The following INPP4B variants were observed in gnomAD, a reference collection of about 807,000 sequenced individuals.
INPP4B encodes inositol polyphosphate 4-phosphatase type II.
INPP4B carries 55 observed loss-of-function variants against 122.5 expected under a neutral mutation model. The ratio of observed to expected loss-of-function variants is 0.45; its 90% confidence interval spans 0.36 to 0.56. The LOEUF (loss-of-function observed/expected upper bound fraction) is 0.56. INPP4B is among the 20% of genes least tolerant of loss of function. The pLI is 0.00. For synonymous variants in INPP4B, 403 were observed against 388.7 expected, an observed-to-expected ratio of 1.04 and a Z score of -0.43; for missense variants, 1,000 against 1,097.7, an observed-to-expected ratio of 0.91 and a Z score of 1.26.
intron 11 of INPP4B, among the ~76,000 whole-genome samples, chr4:142,252,335 C>G (rs1206370454): frequency 2.0e-5 from 3 of 151,626 alleles, no homozygotes; most frequent in Admixed American, 2.0e-4. Flanking sequence ...ACTACAGGCG[C>G]CCGCTACCAC....
chr4:142,651,900 C>T (rs996724267), intron 2 of INPP4B, among the ~76,000 whole-genome samples: 1 of 152,128 alleles, frequency 6.6e-6, no homozygotes, highest in Non-Finnish European at 1.5e-5. Context: ...GATACCAAAG[C>T]CTGGCAGAGA....
intron 2 of INPP4B, among the ~76,000 whole-genome samples, chr4:142,645,080 C>T (rs1294783546): frequency 6.6e-6 from 1 of 151,818 alleles, no homozygotes; most frequent in Non-Finnish European, 1.5e-5. Context: ...CATCAACAAA[C>T]AAAAATATAC....
intron 1 of INPP4B, among the ~76,000 whole-genome samples, chr4:142,744,889 A>AT (rs1230788907): frequency 1.3e-5 from 2 of 151,838 alleles, no homozygotes; most frequent in Admixed American, 6.6e-5. Context: ...AAGATAGGCT[A>AT]TTTTTTATAA....
intron 2 of INPP4B, 77 bp downstream of exon 2, chr4:142,725,762 G>T (rs1018602757): frequency 2.5e-6 from 1 of 395,186 alleles, no homozygotes; most frequent in Non-Finnish European, 4.5e-6. Flanking sequence ...TATCTAAAAC[G>T]AATAATCAAG....
At chr4:142,731,163 AT>A (rs1172105383) in intron 1 of INPP4B, among the ~76,000 whole-genome samples, 2 of 152,012 alleles carry the variant, frequency 1.3e-5, no homozygotes, top group African/African-American at 2.4e-5. Context: ...CCAAGTGTGT[AT>A]TGTTCCCCTC....
chr4:142,202,334 A>G (rs539575965), intron 14 of INPP4B, among the ~76,000 whole-genome samples: 11 of 152,206 alleles, frequency 7.2e-5, no homozygotes, highest in Non-Finnish European at 1.6e-4. Context: ...AGACACGCTG[A>G]CCTCATATCA....
chr4:142,256,788 T>A (rs942115215), intron 11 of INPP4B, among the ~76,000 whole-genome samples: 1 of 152,310 alleles, frequency 6.6e-6, no homozygotes, highest in East Asian at 1.9e-4. Flanking sequence ...AAGGAGGAAC[T>A]GGTACCATTC....
chr4:142,315,402 G>A (rs142913351), intron 7 of INPP4B, among the ~76,000 whole-genome samples: 6 of 152,210 alleles, frequency 3.9e-5, no homozygotes, highest in African/African-American at 1.4e-4. Context: ...TAATGTCAAA[G>A]AACCGGTTAT....
At chr4:142,140,700 AGATT>A (rs1407804893) in intron 18 of INPP4B, among the ~76,000 whole-genome samples, 1 of 152,186 alleles carries the variant, frequency 6.6e-6, no homozygotes, top group African/African-American at 2.4e-5. Context: ...AAATTGGGAT[AGATT>A]GTTTTAATCT....
At chr4:142,597,511 G>C (rs1383870938) in intron 2 of INPP4B, among the ~76,000 whole-genome samples, 2 of 152,166 alleles carry the variant, frequency 1.3e-5, no homozygotes, top group Admixed American at 6.5e-5. Flanking sequence ...ATGACTCCTT[G>C]AATCACTCAG....
chr4:142,037,469 T>C (rs566333008), intron 25 of INPP4B, among the ~76,000 whole-genome samples: 55 of 152,290 alleles, frequency 3.6e-4, no homozygotes, highest in African/African-American at 1.3e-3. Context: ...TTAATAGGTT[T>C]GCTATTTGAT....
intron 2 of INPP4B, among the ~76,000 whole-genome samples, chr4:142,601,527 A>C (rs1739905703): frequency 6.6e-6 from 1 of 151,498 alleles, no homozygotes; most frequent in Admixed American, 6.6e-5. Context: ...ACATACCAAT[A>C]CCTACGGGAC....
chr4:142,183,507 C>G (rs1831782281), intron 15 of INPP4B, among the ~76,000 whole-genome samples: 1 of 152,148 alleles, frequency 6.6e-6, no homozygotes, highest in South Asian at 2.1e-4. Flanking sequence ...ACTTAGCTTT[C>G]AAAGCTCTGA....
chr4:142,385,888 CAT>C (rs1423644695), intron 7 of INPP4B, among the ~76,000 whole-genome samples: 1 of 152,128 alleles, frequency 6.6e-6, no homozygotes, highest in African/African-American at 2.4e-5. Flanking sequence ...AATCTTCTCA[CAT>C]AGTTGTTACT....
intron 3 of INPP4B, among the ~76,000 whole-genome samples, chr4:142,445,645 TC>T (rs34526226): frequency 0.047 from 7,211 of 152,040 alleles, 189 homozygotes; most frequent in Middle Eastern, 0.078. Flanking sequence ...AAACAGAAAA[TC>T]AGTGAGGATA....
chr4:142,453,151 T>C (rs1025929029), intron 3 of INPP4B, among the ~76,000 whole-genome samples: 1 of 152,196 alleles, frequency 6.6e-6, no homozygotes, highest in African/African-American at 2.4e-5. Context: ...AGAATTTGGC[T>C]GGAGATTCTT....
At chr4:142,068,786 C>T (rs1182775577) in intron 25 of INPP4B, among the ~76,000 whole-genome samples, 1 of 152,168 alleles carries the variant, frequency 6.6e-6, no homozygotes, top group Non-Finnish European at 1.5e-5. Flanking sequence ...AGCTAACTAT[C>T]TTAAATATAT....
chr4:142,684,665 T>C (rs1466965435), intron 2 of INPP4B, among the ~76,000 whole-genome samples: 2 of 152,062 alleles, frequency 1.3e-5, no homozygotes, highest in African/African-American at 4.8e-5. Context: ...TACATGCCAT[T>C]AATATTTAAT....
intron 25 of INPP4B, among the ~76,000 whole-genome samples, chr4:142,036,085 C>T (rs893726096): frequency 2.0e-5 from 3 of 152,018 alleles, no homozygotes; most frequent in African/African-American, 4.8e-5. Flanking sequence ...TGTGCAGTGT[C>T]TATTGTTCCC....
Sources: allele counts gnomAD v4.1 joint callset (sites outside exome capture counted in the v4.1 genomes callset), GRCh38; gene constraint gnomAD v4.1.1; transcripts MANE v1.5; gene names NCBI Gene and HGNC (gene_info 2026-07-23, HGNC 2026-07-21).